Variants in CNTNAP5 observed in about 807,000 individuals in gnomAD.
CNTNAP5 encodes contactin-associated protein-like 5.
Under a neutral mutation model 150.2 loss-of-function variants are expected in CNTNAP5, and 72 were observed. The ratio of observed to expected loss-of-function variants is 0.48; its 90% CI spans 0.40 to 0.58. The LOEUF (loss-of-function observed/expected upper bound fraction) is 0.58, where lower values mean the gene tolerates loss of function less well. Ranked by LOEUF, CNTNAP5 falls within the 20% of genes least tolerant of loss-of-function variation. CNTNAP5 has a pLI of 0.00. For missense variants in CNTNAP5, 1,636 were observed against 1,626.2 expected (o/e 1.01, Z -0.10); for synonymous variants, 672 against 619.8 (o/e 1.08, Z -1.25).
intron 3 of CNTNAP5, among the ~76,000 whole-genome samples, chr2:124,301,337 T>G (rs1259813428): frequency 2.0e-5 from 3 of 152,222 alleles, no homozygotes; most frequent in African/African-American, 7.2e-5. Context: ...AACATTGCAC[T>G]ATTCGTTTTG....
chr2:124,493,329 A>G (rs1463346518), intron 7 of CNTNAP5, among the ~76,000 whole-genome samples: 1 of 150,864 alleles, frequency 6.6e-6, no homozygotes, highest in East Asian at 1.9e-4. Context: ...AAAAATATTT[A>G]ATTATTATTA....
chr2:124,784,457 T>G (rs1467363634), intron 17 of CNTNAP5, among the ~76,000 whole-genome samples: 1 of 152,182 alleles, frequency 6.6e-6, no homozygotes, highest in Non-Finnish European at 1.5e-5. Context: ...TTTTAAGAGT[T>G]GATTCATACT....
intron 1 of CNTNAP5, among the ~76,000 whole-genome samples, chr2:124,124,730 C>T (rs1683645678): frequency 6.6e-6 from 1 of 152,216 alleles, no homozygotes; most frequent in Admixed American, 6.5e-5. Context: ...AGAAACTCTA[C>T]AAGCCAGAAG....
intron 7 of CNTNAP5, among the ~76,000 whole-genome samples, chr2:124,492,306 A>G (rs1460675598): frequency 6.6e-6 from 1 of 152,178 alleles, no homozygotes; most frequent in Non-Finnish European, 1.5e-5. Flanking sequence ...TTGTAAGACA[A>G]GGACTTAATT....
intron 21 of CNTNAP5, among the ~76,000 whole-genome samples, chr2:124,901,093 G>A (rs2104757931): frequency 6.6e-6 from 1 of 151,748 alleles, no homozygotes; most frequent in Middle Eastern, 3.4e-3. Context: ...GAAGATAGAA[G>A]TTTTCTCATA....
intron 17 of CNTNAP5, among the ~76,000 whole-genome samples, chr2:124,784,896 A>G (rs1010661011): frequency 1.3e-5 from 2 of 152,164 alleles, no homozygotes; most frequent in African/African-American, 4.8e-5. Flanking sequence ...GAATGATATG[A>G]AGAATACCTT....
chr2:124,707,820 A>G (rs1214872365), intron 13 of CNTNAP5, among the ~76,000 whole-genome samples: 9 of 152,224 alleles, frequency 5.9e-5, no homozygotes, highest in Admixed American at 1.3e-4. Flanking sequence ...AGCCTCAAGT[A>G]TCGTAAATTT....
intron 1 of CNTNAP5, chr2:124,135,210 A>C (rs542555978): frequency 6.6e-6 from 1 of 152,320 alleles, no homozygotes; most frequent in South Asian, 2.1e-4. Context: ...CCTTTTATGA[A>C]GCGTTATCAT....
At position 124,617,930 on chromosome 2, in the gene CNTNAP5, T is replaced by C. The variant is rs58077552; in HGVS notation, c.1876+8010T>C. Among the ~76,000 whole-genome samples the C allele has an allele frequency of 2.8e-3, 426 of 152,182 alleles. 2 individuals carry two copies. Among genetic ancestry groups the C allele is most frequent in the African/African-American group, 9.7e-3 (402 of 41,522 alleles). ...ATAGGAGTAGAAGCTGGTCAAGAGC[T>C]GCAGGAAAGCATTTCCAGGAAGACA... is the stretch of plus-strand genomic sequence containing the variant. On this transcript the variant is annotated intron_variant, in intron 12 of 23. Coordinates refer to ENST00000682447, the MANE Select transcript of CNTNAP5 (RefSeq NM_001367498.1).
chr2:124,513,768 C>T (rs1286112991), intron 8 of CNTNAP5, among the ~76,000 whole-genome samples: 1 of 152,102 alleles, frequency 6.6e-6, no homozygotes, highest in Non-Finnish European at 1.5e-5. Flanking sequence ...CAGGGGAGCT[C>T]CCAGAGGTAG....
At chr2:124,527,051 T>A (rs1357007743) in intron 9 of CNTNAP5, among the ~76,000 whole-genome samples, 1 of 152,158 alleles carries the variant, frequency 6.6e-6, no homozygotes, top group Non-Finnish European at 1.5e-5. Context: ...GTTACAGTAT[T>A]GGTATTCCCT....
chr2:124,729,749 C>A (rs778032455), intron 13 of CNTNAP5, among the ~76,000 whole-genome samples: 1 of 152,076 alleles, frequency 6.6e-6, no homozygotes, highest in Non-Finnish European at 1.5e-5. Context: ...AATAACCACA[C>A]CCTCTATTTT....
In CNTNAP5 at chr2:124,097,806, A is replaced by G. The variant is rs559948208; in HGVS notation, c.82+72074A>G. ...CACTTTGGGCGGCCGAGGCGGGAGG[A>G]TCACGAGGTCAGGAGATCGAGACCA... On this transcript the variant is annotated intron_variant, in intron 1 of 23. Transcript: ENST00000682447. 2.0e-5 allele frequency among the ~76,000 whole-genome samples: 3 copies of G among 152,264 alleles called. No homozygotes were observed. In the East Asian group the frequency reaches 5.8e-4, roughly 29 times the overall value.
chr2:124,059,081 C>T (rs1263200235), intron 1 of CNTNAP5, among the ~76,000 whole-genome samples: 5 of 152,098 alleles, frequency 3.3e-5, no homozygotes, highest in African/African-American at 1.2e-4. Context: ...ATTTCTTCCA[C>T]TAATATTTTA....
intron 4 of CNTNAP5, among the ~76,000 whole-genome samples, chr2:124,419,047 T>G (rs539261801): frequency 1.4e-5 from 2 of 142,132 alleles, no homozygotes; most frequent in African/African-American, 5.3e-5. Context: ...GGCAGGAGAA[T>G]GGCGTGAACC....
chr2:124,644,907 C>T (rs1261680265), intron 12 of CNTNAP5, among the ~76,000 whole-genome samples: 1 of 38,914 alleles, frequency 2.6e-5, no homozygotes, highest in Non-Finnish European at 1.0e-4. Context: ...CACACACATA[C>T]ACACACACAC....
intron 2 of CNTNAP5, among the ~76,000 whole-genome samples, chr2:124,224,314 C>T (rs1686403726): frequency 6.6e-6 from 1 of 152,048 alleles, no homozygotes; most frequent in Non-Finnish European, 1.5e-5. Flanking sequence ...TAGGCACAAA[C>T]AGTATTCATA....
intron 4 of CNTNAP5, among the ~76,000 whole-genome samples, chr2:124,428,242 G>A (rs1315366844): frequency 6.6e-6 from 1 of 152,026 alleles, no homozygotes; most frequent in Non-Finnish European, 1.5e-5. Context: ...GAGAAACATT[G>A]ACCCTGCCTG....
In CNTNAP5 at chr2:124,549,939, C is replaced by A. The variant is rs73952803; in HGVS notation, c.1650-13278C>A. Among the ~76,000 whole-genome samples the A allele has an allele frequency of 4.5e-3, 681 of 152,330 alleles. 4 individuals carry two copies. The highest frequency in any genetic ancestry group is 0.015 in the African/African-American group (644 of 41,576). On this transcript the variant is annotated intron_variant, in intron 10 of 23. Coordinates refer to ENST00000682447, the MANE Select transcript of CNTNAP5 (RefSeq NM_001367498.1). ...GGTTTAAGGGGATGGGGCTGTGGAGCAGCGGTGCCCTCTCTGTATCCACGC... is the reference window on the plus strand; with the variant it reads ...GGTTTAAGGGGATGGGGCTGTGGAGAAGCGGTGCCCTCTCTGTATCCACGC...
Sources: allele counts gnomAD v4.1 joint callset (sites outside exome capture counted in the v4.1 genomes callset), GRCh38; gene constraint gnomAD v4.1.1; transcripts MANE v1.5; gene names NCBI Gene and HGNC (gene_info 2026-07-23, HGNC 2026-07-21).